Variants in RGS7 observed in about 807,000 individuals in gnomAD.
RGS7 encodes regulator of G-protein signaling 7.
RGS7 carries 27 observed loss-of-function variants against 81.1 expected under a neutral mutation model. The ratio of observed to expected loss-of-function variants is 0.33; its 90% CI spans 0.25 to 0.46. RGS7 has a LOEUF of 0.46. Among genes scored for constraint, RGS7 ranks in the 20% least tolerant of loss-of-function variants. The probability of loss-of-function intolerance (pLI) is 1.00; values close to 1 mark genes in which losing one functional copy is unlikely to be tolerated. For missense variants in RGS7, 396 were observed against 607.4 expected, an observed-to-expected ratio of 0.65 and a Z score of 3.66; for synonymous variants, 208 against 207.7, an observed-to-expected ratio of 1.00 and a Z score of -0.01.
At chr1:241,287,722 C>G (rs2078895071) in intron 2 of RGS7, among the ~76,000 whole-genome samples, 2 of 147,604 alleles carry the variant, frequency 1.4e-5, no homozygotes. Flanking sequence ...ATACCTACTT[C>G]ACACACACAC....
At chr1:240,929,022 G>A (rs1164402939) in intron 6 of RGS7, among the ~76,000 whole-genome samples, 3 of 152,218 alleles carry the variant, frequency 2.0e-5, no homozygotes, top group African/African-American at 7.2e-5. Flanking sequence ...ACCAATACTA[G>A]TTTCCTTAGC....
chr1:241,240,906 C>T (rs2076230138), intron 2 of RGS7, among the ~76,000 whole-genome samples: 1 of 152,150 alleles, frequency 6.6e-6, no homozygotes, highest in African/African-American at 2.4e-5. Flanking sequence ...TGTTGGCCTC[C>T]CAGGCTTCAG....
chr1:241,150,378 A>G (rs148659105), intron 2 of RGS7, among the ~76,000 whole-genome samples: 1,721 of 152,296 alleles, frequency 0.011, 39 homozygotes, highest in East Asian at 0.06. Context: ...AGTTTTGCCT[A>G]AGGCCCCAAG....
intron 3 of RGS7, among the ~76,000 whole-genome samples, chr1:241,003,534 C>T (rs1007488127): frequency 1.3e-5 from 2 of 151,726 alleles, no homozygotes; most frequent in Non-Finnish European, 2.9e-5. Context: ...GTGAGCACTT[C>T]CCTAAGTGCC....
intron 2 of RGS7, among the ~76,000 whole-genome samples, chr1:241,188,639 GA>G (rs1438276841): frequency 1.3e-5 from 2 of 151,982 alleles, no homozygotes; most frequent in African/African-American, 4.8e-5. Flanking sequence ...AACCACGACA[GA>G]AACAAATAAA....
chr1:240,908,010 C>G (rs536660945), intron 6 of RGS7, among the ~76,000 whole-genome samples: 18 of 151,878 alleles, frequency 1.2e-4, no homozygotes, highest in Admixed American at 2.6e-4. Context: ...TTTAAGGAGT[C>G]TCCTTACAAA....
intron 2 of RGS7, among the ~76,000 whole-genome samples, chr1:241,190,154 A>G (rs1375653055): frequency 3.9e-5 from 6 of 152,050 alleles, no homozygotes; most frequent in Admixed American, 3.9e-4. Flanking sequence ...CACACCATCT[A>G]TTGTGTTCCA....
intron 9 of RGS7, among the ~76,000 whole-genome samples, chr1:240,859,952 T>G (rs1306037546): frequency 1.3e-5 from 2 of 152,244 alleles, no homozygotes; most frequent in African/African-American, 2.4e-5. Context: ...CTCTTGAGAC[T>G]GCTTCTATGA....
chr1:241,354,797 T>C (rs1406086757), intron 2 of RGS7, among the ~76,000 whole-genome samples: 1 of 152,174 alleles, frequency 6.6e-6, no homozygotes, highest in African/African-American at 2.4e-5. Context: ...ATTGTTAGTG[T>C]TAACTAAAGA....
At chr1:241,244,895 G>A (rs1375461766) in intron 2 of RGS7, among the ~76,000 whole-genome samples, 4 of 147,744 alleles carry the variant, frequency 2.7e-5, no homozygotes, top group Admixed American at 6.9e-5. Context: ...CTCATAGGTG[G>A]GAATTGAACA....
At position 240,815,798 on chromosome 1, in the gene RGS7, TA is replaced by T. The variant is rs59858619; in HGVS notation, c.783+518del. 1.0e-2 allele frequency among the ~76,000 whole-genome samples: 1,516 copies of T among 151,904 alleles called. 21 individuals carry two copies. Among genetic ancestry groups the T allele is most frequent in the African/African-American group, 0.035 (1,431 of 41,426 alleles). On this transcript the variant is annotated intron_variant, in intron 11 of 18. Transcript: ENST00000440928. ...GGAGTCAACACCATTGATCAAATGC[TA>T]AAAAAAAGAGGTAGTGTATAGCATG...
At chr1:241,328,031 A>G (rs1163966071) in intron 2 of RGS7, among the ~76,000 whole-genome samples, 3 of 152,218 alleles carry the variant, frequency 2.0e-5, no homozygotes, top group Non-Finnish European at 4.4e-5. Flanking sequence ...ATTTATGTAC[A>G]TATTAAATTA....
At chr1:241,117,752 T>C (rs1444829207) in intron 2 of RGS7, among the ~76,000 whole-genome samples, 1 of 152,162 alleles carries the variant, frequency 6.6e-6, no homozygotes, top group African/African-American at 2.4e-5. Context: ...AAAGTAAAGC[T>C]GCAATATATT....
intron 3 of RGS7, among the ~76,000 whole-genome samples, chr1:241,034,669 GA>G (rs2060242735): frequency 6.6e-6 from 1 of 152,178 alleles, no homozygotes; most frequent in South Asian, 2.1e-4. Flanking sequence ...AATGCAAGTA[GA>G]TTTATAATTA....
chr1:240,827,741 G>C (rs1303102530), intron 9 of RGS7, among the ~76,000 whole-genome samples: 1 of 151,816 alleles, frequency 6.6e-6, no homozygotes, highest in African/African-American at 2.4e-5. Context: ...GCGGGTGCCT[G>C]TAATCCCAGA....
At position 241,166,142 on chromosome 1, in the gene RGS7, CAT is replaced by C. The variant is rs558881662; in HGVS notation, c.79-67382_79-67381del. The stretch of plus-strand genomic sequence containing the variant: ...AAAAAACACAGGAGACTGATTTACA[CAT>C]AGTGGCCAGAAAAGCATCTCTTAAT... On this transcript the variant is annotated intron_variant, in intron 2 of 18. Coordinates refer to ENST00000440928, the MANE Select transcript of RGS7 (RefSeq NM_001364886.1). Among the ~76,000 whole-genome samples the C allele has an allele frequency of 9.8e-4, 149 of 152,272 alleles. 2 individuals carry two copies. Among genetic ancestry groups the C allele is most frequent in the African/African-American group, 3.3e-3 (137 of 41,544 alleles).
At chr1:240,884,921 A>C (rs1667085393) in intron 6 of RGS7, among the ~76,000 whole-genome samples, 1 of 152,246 alleles carries the variant, frequency 6.6e-6, no homozygotes, top group East Asian at 1.9e-4. Flanking sequence ...AATTAAACTT[A>C]AGAGCTTCTG....
chr1:240,790,900 T>G (rs1359255639), intron 18 of RGS7, among the ~76,000 whole-genome samples: 1 of 152,206 alleles, frequency 6.6e-6, no homozygotes, highest in African/African-American at 2.4e-5. Context: ...GCTCTCCCAA[T>G]AATCTTTTCT....
intron 5 of RGS7, 85 bp from the exon 6 acceptor site, chr1:240,930,853 A>G (rs1675323946): frequency 1.6e-6 from 2 of 1,232,712 alleles, no homozygotes. Context: ...TTTATCTTCC[A>G]CAATTCTCTA....
Sources: gnomAD v4.1 joint callset for allele counts (sites outside exome capture counted in the v4.1 genomes callset) on GRCh38, gnomAD v4.1.1 for gene constraint, MANE v1.5 for transcripts, NCBI Gene and HGNC (gene_info 2026-07-23, HGNC 2026-07-21) for gene names.